INSL6: variants seen among roughly 807,000 people sequenced by gnomAD.
INSL6 encodes the protein insulin-like peptide INSL6.
Under a neutral mutation model 9.4 loss-of-function variants are expected in INSL6, and 16 were observed. The ratio of observed to expected loss-of-function variants is 1.70; its 90% CI spans 1.15 to 2.59. The LOEUF is 2.59. Among genes scored for constraint, INSL6 ranks in the 30% most tolerant of loss-of-function variants. The pLI, the probability that INSL6 is intolerant of heterozygous loss-of-function variation, is 0.00. For missense variants in INSL6, 391 were observed against 257.3 expected (o/e 1.52, Z -3.56); for synonymous variants, 154 against 96.9 (o/e 1.59, Z -3.46).
rs1323409412 is a variant in INSL6, at chr9:5,185,497, A to G, written c.106T>C (p.Tyr36His). Reference sequence around the variant, plus strand: ...AGTTTTTCTATTTCTTTCACCAAGTACCTGCCGCACAGCTTCCTGGCACTG... The same window carrying G: ...AGTTTTTCTATTTCTTTCACCAAGTGCCTGCCGCACAGCTTCCTGGCACTG... ...ISSARKLCGRYLVKEIEKLCG... is the reference protein window; with the variant it reads ...ISSARKLCGRHLVKEIEKLCG... The change falls in exon 1 of 2, where the codon TAC (tyrosine) becomes CAC (histidine). Residue 36 changes from tyrosine to histidine, a missense_variant. Tyr to His is a moderately conservative substitution (Grantham distance 83). Coordinates refer to ENST00000381641, the MANE Select transcript of INSL6 (RefSeq NM_007179.3). 6.2e-7 allele frequency: 1 copy of G among 1,614,030 alleles called. No homozygotes were observed. Among genetic ancestry groups the G allele is most frequent in the African/African-American group, 1.3e-5 (1 of 74,924 alleles).
At chr9:5,064,882 G>T in the INSL6 span, 1 of 1,554,198 alleles carries the variant, frequency 6.4e-7, no homozygotes. Flanking sequence ...TCTCTGCTTA[G>T]GAAATTGAAC....
chr9:5,050,927 G>T, the INSL6 span: 2 of 999,858 alleles, frequency 2.0e-6, no homozygotes, highest in South Asian at 2.9e-5. Flanking sequence ...TTTTGATTTT[G>T]TAATACTAGT....
At chr9:5,103,221 CAAAAAAAAAAAAAAA>C in the INSL6 span, among the ~76,000 whole-genome samples, 20 of 6,860 alleles carry the variant, frequency 2.9e-3, no homozygotes, top group African/African-American at 5.3e-3. Flanking sequence ...AAAGGGAAAG[CAAAAAAAAAAAAAAA>C]AAAAAAAAAA....
the INSL6 span, among the ~76,000 whole-genome samples, chr9:5,024,718 A>G: frequency 3.8e-4 from 58 of 152,254 alleles, no homozygotes; most frequent in Non-Finnish European, 7.1e-4. Context: ...TTCATTTGCA[A>G]TGTTTTCAAT....
the INSL6 span, among the ~76,000 whole-genome samples, chr9:4,994,712 A>G: frequency 2.0e-5 from 3 of 152,162 alleles, no homozygotes; most frequent in East Asian, 5.8e-4. Context: ...AGCTGGCTAA[A>G]TTTGGTATGT....
At chr9:5,111,089 G>T in the INSL6 span, 1 of 1,225,120 alleles carries the variant, frequency 8.2e-7, no homozygotes, top group Non-Finnish European at 1.1e-6. Flanking sequence ...GGCTCCTGGG[G>T]CAGCGGCGAC....
the INSL6 span, among the ~76,000 whole-genome samples, chr9:5,092,615 C>G: frequency 6.6e-6 from 1 of 152,102 alleles, no homozygotes; most frequent in African/African-American, 2.4e-5. Context: ...GATGAAAGAA[C>G]TGAGCAAAGA....
chr9:5,069,582 T>C, the INSL6 span, among the ~76,000 whole-genome samples: 3 of 152,170 alleles, frequency 2.0e-5, no homozygotes, highest in Non-Finnish European at 4.4e-5. Flanking sequence ...TTCCTTGAAA[T>C]AATGAGCCTT....
chr9:5,175,992 T>C (rs541552705), intron 1 of INSL6, among the ~76,000 whole-genome samples: 10 of 152,256 alleles, frequency 6.6e-5, no homozygotes, highest in South Asian at 4.2e-4. Context: ...CAAGGAAAAA[T>C]TGTCTTCCAT....
chr9:5,073,563 A>G, the INSL6 span: 10 of 693,664 alleles, frequency 1.4e-5, no homozygotes, highest in African/African-American at 1.6e-4. Flanking sequence ...AAAGGGACCA[A>G]AGCACATTGT....
the INSL6 span, among the ~76,000 whole-genome samples, chr9:5,038,596 A>ATT: frequency 7.5e-5 from 11 of 146,498 alleles, no homozygotes; most frequent in South Asian, 2.1e-4. Flanking sequence ...TGGATTTTAG[A>ATT]TTTTTTTTTT....
intron 3 of INSL6, among the ~76,000 whole-genome samples, chr9:5,130,954 C>A (rs980654988): frequency 2.0e-5 from 3 of 151,454 alleles, no homozygotes; most frequent in Admixed American, 2.0e-4. Context: ...TGGTCTCGAT[C>A]TCCTGACCTC....
At chr9:5,151,892 A>T (rs1224592160) in intron 2 of INSL6, among the ~76,000 whole-genome samples, 1 of 152,182 alleles carries the variant, frequency 6.6e-6, no homozygotes, top group Non-Finnish European at 1.5e-5. Flanking sequence ...TGTTTACAAG[A>T]AACTAATTTT....
the INSL6 span, chr9:5,055,652 C>T: frequency 6.6e-7 from 1 of 1,519,092 alleles, no homozygotes; most frequent in Admixed American, 1.8e-5. Context: ...TTTAATTTTA[C>T]ATGCTTTTAA....
At chr9:5,067,784 A>G in the INSL6 span, among the ~76,000 whole-genome samples, 996 of 152,304 alleles carry the variant, frequency 6.5e-3, 6 homozygotes, top group African/African-American at 0.022. Flanking sequence ...TTTCAAATAT[A>G]CAAAAAATTC....
At chr9:5,111,075 C>T in the INSL6 span, 3 of 1,215,290 alleles carry the variant, frequency 2.5e-6, no homozygotes, top group East Asian at 8.6e-5. Context: ...ACTGGCCCAG[C>T]TCAGGCTCCT....
At chr9:5,033,261 T>C in the INSL6 span, among the ~76,000 whole-genome samples, 1 of 152,248 alleles carries the variant, frequency 6.6e-6, no homozygotes, top group African/African-American at 2.4e-5. Flanking sequence ...AGACCAAATC[T>C]ACGTCTCATT....
At chr9:5,009,908 C>T in the INSL6 span, among the ~76,000 whole-genome samples, 1 of 152,026 alleles carries the variant, frequency 6.6e-6, no homozygotes, top group African/African-American at 2.4e-5. Flanking sequence ...GTAGCTAGTA[C>T]TACAGGTGCA....
intron 1 of INSL6, among the ~76,000 whole-genome samples, chr9:5,177,846 C>A (rs1825346521): frequency 6.6e-6 from 1 of 152,154 alleles, no homozygotes; most frequent in Non-Finnish European, 1.5e-5. Context: ...AGCTGCTGTG[C>A]CAGACTGTGG....
Sources: gnomAD v4.1 joint callset for allele counts (sites outside exome capture counted in the v4.1 genomes callset) on GRCh38, gnomAD v4.1.1 for gene constraint, MANE v1.5 for transcripts, NCBI Gene and HGNC (gene_info 2026-07-23, HGNC 2026-07-21) for gene names.